The following RALGAPA2 variants were observed in gnomAD, a reference collection of about 807,000 sequenced individuals.
RALGAPA2 encodes the protein ral GTPase-activating protein subunit alpha-2.
A neutral mutation model predicts 230.4 loss-of-function variants in RALGAPA2; 139 were observed. The ratio of observed to expected loss-of-function variants is 0.60; its 90% confidence interval spans 0.53 to 0.69. The LOEUF is 0.69. Among genes scored for constraint, RALGAPA2 ranks in the 30% least tolerant of loss-of-function variants. The probability of loss-of-function intolerance (pLI) is 0.00; values close to 1 mark genes in which losing one functional copy is unlikely to be tolerated. For synonymous variants in RALGAPA2, 847 were observed against 837.8 expected, an observed-to-expected ratio of 1.01 and a Z score of -0.19; for missense variants, 2,163 against 2,276.0, an observed-to-expected ratio of 0.95 and a Z score of 1.01.
At chr20:20,700,663 C>T (rs1190283182) in intron 1 of RALGAPA2, among the ~76,000 whole-genome samples, 1 of 152,186 alleles carries the variant, frequency 6.6e-6, no homozygotes, top group Non-Finnish European at 1.5e-5. Flanking sequence ...GCCCCTCTTT[C>T]CCCCGAACCC....
chr20:20,588,587 T>C (rs1047458144), intron 18 of RALGAPA2, among the ~76,000 whole-genome samples: 2 of 152,146 alleles, frequency 1.3e-5, no homozygotes, highest in African/African-American at 4.8e-5. Flanking sequence ...ATTTATTTCA[T>C]TGCTGAAAAC....
intron 31 of RALGAPA2, among the ~76,000 whole-genome samples, chr20:20,520,609 ACTT>A (rs1429385939): frequency 6.6e-6 from 1 of 152,200 alleles, no homozygotes; most frequent in Non-Finnish European, 1.5e-5. Context: ...GTCCTTCTGG[ACTT>A]CACTGTGTGT....
At chr20:20,636,987 G>GCAAA (rs2066881683) in intron 8 of RALGAPA2, among the ~76,000 whole-genome samples, 1 of 152,172 alleles carries the variant, frequency 6.6e-6, no homozygotes, top group Non-Finnish European at 1.5e-5. Context: ...TTTGCCTTGG[G>GCAAA]CTGGCCTCCA....
chr20:20,541,709 T>C (rs993892128), intron 24 of RALGAPA2, among the ~76,000 whole-genome samples: 1 of 152,196 alleles, frequency 6.6e-6, no homozygotes, highest in African/African-American at 2.4e-5. Flanking sequence ...CTGACTGTGG[T>C]AACTGATATC....
chr20:20,614,219 C>T (rs955461416), intron 13 of RALGAPA2, among the ~76,000 whole-genome samples: 3 of 152,136 alleles, frequency 2.0e-5, no homozygotes, highest in Non-Finnish European at 2.9e-5. Flanking sequence ...TTTCCGTTAA[C>T]TATTTTCATC....
intron 27 of RALGAPA2, among the ~76,000 whole-genome samples, chr20:20,527,048 T>C (rs751809986): frequency 6.6e-6 from 1 of 152,184 alleles, no homozygotes; most frequent in Non-Finnish European, 1.5e-5. Flanking sequence ...TCTTACTTTT[T>C]CATGCTGGGA....
chr20:20,629,320 A>AAC (rs11467035), intron 10 of RALGAPA2, 43 bp downstream of exon 10: 119,642 of 1,097,718 alleles, frequency 0.11, 1,537 homozygotes, highest in South Asian at 0.14. Context: ...AAGAACTTGT[A>AAC]ACACACACAC....
intron 1 of RALGAPA2, among the ~76,000 whole-genome samples, chr20:20,706,655 G>A (rs1337901581): frequency 2.0e-5 from 3 of 152,104 alleles, no homozygotes; most frequent in Admixed American, 1.3e-4. Flanking sequence ...GAAAGAGAGA[G>A]GCCAATATCA....
At chr20:20,625,358 A>T (rs2066460588) in intron 10 of RALGAPA2, among the ~76,000 whole-genome samples, 1 of 152,222 alleles carries the variant, frequency 6.6e-6, no homozygotes, top group Non-Finnish European at 1.5e-5. Context: ...TGGTGTTTCG[A>T]GGGATTTGCT....
chr20:20,586,977 G>T (rs2065151588), intron 18 of RALGAPA2, among the ~76,000 whole-genome samples: 1 of 151,948 alleles, frequency 6.6e-6, no homozygotes, highest in African/African-American at 2.4e-5. Flanking sequence ...AGATACCACT[G>T]TACCAATGAG....
At chr20:20,535,647 T>C in intron 26 of RALGAPA2, 98 bp downstream of exon 26, 5 of 1,450,018 alleles carry the variant, frequency 3.4e-6, no homozygotes, top group Non-Finnish European at 4.6e-6. Flanking sequence ...ATAAGAGCTA[T>C]GTGAAAGAAT....
Position 20,618,497 on chromosome 20 carries a change from C to T in RALGAPA2, c.1539+780G>A, listed in dbSNP as rs543299128. Among the ~76,000 whole-genome samples, 6 of 151,824 alleles carry T rather than the reference C, an allele frequency of 4.0e-5. No individual in the cohort carries two copies. The South Asian group carries it at 6.3e-4, about 16-fold the overall frequency. On this transcript the variant is annotated intron_variant, in intron 12 of 39. Coordinates refer to ENST00000202677, the MANE Select transcript of RALGAPA2 (RefSeq NM_020343.4). ...TCACTTGAAAAAAAAAAGGATACCA[C>T]GAAAATGAATCCTATCAAGAAACAG...
rs1179961396 is a variant in RALGAPA2 at position 20,503,504 on chromosome 20, C to T, written c.5055G>A (p.Val1685=). The T allele has an allele frequency of 5.1e-6, 8 of 1,558,778 alleles. No individual in the cohort carries two copies. Among genetic ancestry groups the T allele is most frequent in the South Asian group, 3.6e-5 (3 of 83,296 alleles). ...TGAACCCACAGTGGGTGGAGAGATCCACCTGACAAAGGTCACAAAGAAGAA... is the reference window on the plus strand; with the variant it reads ...TGAACCCACAGTGGGTGGAGAGATCTACCTGACAAAGGTCACAAAGAAGAA... ...EDFVAGLGWE[V]DLSTHCGFMG... The change falls in exon 35 of 40, where the codon GTG becomes GTA. Residue 1685 remains valine, a splice_region_variant and synonymous_variant. Transcript: ENST00000202677.
At chr20:20,445,379 T>C (rs928130794) in intron 37 of RALGAPA2, among the ~76,000 whole-genome samples, 2 of 152,214 alleles carry the variant, frequency 1.3e-5, no homozygotes, top group Non-Finnish European at 2.9e-5. Context: ...GGAGTAAATA[T>C]ATTGGTCAGA....
At chr20:20,693,833 G>A (rs999247074) in intron 1 of RALGAPA2, among the ~76,000 whole-genome samples, 4 of 152,088 alleles carry the variant, frequency 2.6e-5, no homozygotes, top group South Asian at 2.1e-4. Flanking sequence ...GGCCGGGCAC[G>A]GTGGCTCACA....
intron 38 of RALGAPA2, among the ~76,000 whole-genome samples, chr20:20,402,872 C>A (rs562312641): frequency 1.3e-5 from 2 of 152,238 alleles, no homozygotes; most frequent in East Asian, 3.9e-4. Flanking sequence ...AAGGTCTTGC[C>A]CTCTGCCCGT....
chr20:20,682,483 C>T (rs1380872677), intron 1 of RALGAPA2, among the ~76,000 whole-genome samples: 1 of 152,154 alleles, frequency 6.6e-6, no homozygotes, highest in African/African-American at 2.4e-5. Context: ...CTGGCTCCTA[C>T]TCACCCTCAC....
intron 31 of RALGAPA2, among the ~76,000 whole-genome samples, chr20:20,519,109 T>C (rs1163663884): frequency 6.6e-6 from 1 of 152,178 alleles, no homozygotes; most frequent in Non-Finnish European, 1.5e-5. Context: ...TTAAGTCTAC[T>C]CCACGTCAAA....
intron 23 of RALGAPA2, among the ~76,000 whole-genome samples, chr20:20,562,440 T>C (rs183641422): frequency 6.6e-6 from 1 of 152,362 alleles, no homozygotes; most frequent in East Asian, 1.9e-4. Context: ...TCTTTCCTTT[T>C]CCCACATATA....
Sources: allele counts gnomAD v4.1 joint callset (sites outside exome capture counted in the v4.1 genomes callset), GRCh38; gene constraint gnomAD v4.1.1; transcripts MANE v1.5; gene names NCBI Gene and HGNC (gene_info 2026-07-23, HGNC 2026-07-21).